Variants in PCSK5 observed in about 807,000 individuals in gnomAD.
PCSK5 encodes the protein proprotein convertase subtilisin/kexin type 5.
PCSK5 carries 129 observed loss-of-function variants against 233.2 expected under a neutral mutation model. The observed-to-expected ratio is 0.55, with a 90% CI of 0.48 to 0.64. The LOEUF (loss-of-function observed/expected upper bound fraction) is 0.64, where lower values mean the gene tolerates loss of function less well. Among genes scored for constraint, PCSK5 ranks in the 30% least tolerant of loss-of-function variants. The pLI is 0.00. For missense variants in PCSK5, 2,076 were observed against 2,430.1 expected, an observed-to-expected ratio of 0.85 and a Z score of 3.06; for synonymous variants, 825 against 879.2, an observed-to-expected ratio of 0.94 and a Z score of 1.09.
intron 5 of PCSK5, among the ~76,000 whole-genome samples, chr9:76,046,156 T>TTTTG (rs1236109476): frequency 3.5e-5 from 4 of 114,512 alleles, no homozygotes; most frequent in African/African-American, 9.7e-5. Flanking sequence ...TAATTTTTTC[T>TTTTG]TTTGTTTTTT....
rs114357675 is a variant in PCSK5 at position 76,095,726 on chromosome 9, A to G, written c.895-164A>G. Among the ~76,000 whole-genome samples the G allele has an allele frequency of 8.4e-3, 1,274 of 152,300 alleles. 10 individuals are homozygous for G. The highest frequency in any genetic ancestry group is 0.029 in the African/African-American group (1,221 of 41,556). On this transcript the variant is annotated intron_variant, in intron 7 of 37. Coordinates refer to ENST00000674117, the MANE Select transcript of PCSK5 (RefSeq NM_001372043.1). Reference sequence around the variant, plus strand: ...GTAACTTTTCTGACCGTTTTAGTCTATAAAACCAACGCCTCTTACTCCACT... The same window carrying G: ...GTAACTTTTCTGACCGTTTTAGTCTGTAAAACCAACGCCTCTTACTCCACT...
At chr9:75,961,616 C>G (rs919727278) in intron 2 of PCSK5, among the ~76,000 whole-genome samples, 1 of 152,132 alleles carries the variant, frequency 6.6e-6, no homozygotes, top group South Asian at 2.1e-4. Context: ...GTATATGAAC[C>G]TATTTCAACT....
Position 76,351,523 on chromosome 9 carries a change from A to AG in PCSK5, c.5067+596dup, listed in dbSNP as rs1554724827. On this transcript the variant is annotated intron_variant, in intron 36 of 37. Transcript: ENST00000674117. ...AAGAAAGAAAGAAAGAAAGAAAGAA[A>AG]GAAAGAAAGGAAGGAAAGAAAGAGA... Among the ~76,000 whole-genome samples, 392 of 74,432 alleles carry AG rather than the reference A, an allele frequency of 5.3e-3. 70 individuals carry two copies. Among genetic ancestry groups the AG allele is most frequent in the African/African-American group, 0.014 (352 of 25,356 alleles). The allele number at this position is 74,432 out of a possible 152,430, so 48.8% of individuals were successfully genotyped here. A position where few individuals can be genotyped will look rare whatever the true frequency, so the allele number is the denominator to read the frequency against.
chr9:76,262,313 C>T (rs1827202480), intron 24 of PCSK5, among the ~76,000 whole-genome samples: 1 of 152,102 alleles, frequency 6.6e-6, no homozygotes, highest in Non-Finnish European at 1.5e-5. Flanking sequence ...GAGCATGCAT[C>T]ACCAAGTCAA....
intron 6 of PCSK5, 21 bp from the exon 7 acceptor site, chr9:76,071,705 G>T: frequency 6.2e-7 from 1 of 1,601,480 alleles, no homozygotes; most frequent in South Asian, 1.1e-5. Context: ...TAATGAGCTA[G>T]TTCTCCTTTC....
intron 3 of PCSK5, among the ~76,000 whole-genome samples, chr9:75,997,962 T>G (rs1827093437): frequency 6.6e-6 from 1 of 152,174 alleles, no homozygotes. Context: ...AAAAGCCTAC[T>G]GGTATAGAAG....
At chr9:76,191,947 CACGTACCTG>C (rs11277346) in intron 20 of PCSK5, among the ~76,000 whole-genome samples, 76,712 of 151,168 alleles carry the variant, frequency 0.51, 20,187 homozygotes, top group African/African-American at 0.65. Flanking sequence ...GGCATGGTAG[CACGTACCTG>C]TAATCCCAGC....
intron 36 of PCSK5, among the ~76,000 whole-genome samples, chr9:76,353,020 C>CA (rs11450483): frequency 0.39 from 57,136 of 147,706 alleles, 10,887 homozygotes; most frequent in Middle Eastern, 0.54. Context: ...AAGCCCGTCT[C>CA]AAAAAAAAAA....
At chr9:75,995,744 T>TATACACACACACACACAC in intron 3 of PCSK5, among the ~76,000 whole-genome samples, 1 of 146,052 alleles carries the variant, frequency 6.8e-6, no homozygotes, top group East Asian at 2.0e-4. Flanking sequence ...GATTCATTCA[T>TATACACACACACACACAC]ACACACACAC....
rs187454896 is a variant in PCSK5 at position 75,898,754 on chromosome 9, A to T, written c.192+7381A>T. 7.9e-5 allele frequency among the ~76,000 whole-genome samples: 12 copies of T among 152,154 alleles called. No homozygotes were observed. In the East Asian group the frequency reaches 2.3e-3, roughly 29 times the overall value. Reference sequence around the variant, plus strand: ...CAACCTTATTATTTTGGATAAGTTTATATTGAAGTTTATATTGAGGATCTC... The same window carrying T: ...CAACCTTATTATTTTGGATAAGTTTTTATTGAAGTTTATATTGAGGATCTC... On this transcript the variant is annotated intron_variant, in intron 1 of 37. Coordinates refer to ENST00000674117, the MANE Select transcript of PCSK5 (RefSeq NM_001372043.1).
chr9:76,052,900 A>G (rs777150448), intron 5 of PCSK5, among the ~76,000 whole-genome samples: 3 of 152,208 alleles, frequency 2.0e-5, no homozygotes, highest in African/African-American at 7.2e-5. Flanking sequence ...AAATTGGCCA[A>G]ACTGAAGGGG....
chr9:76,055,110 G>C (rs1439150103), intron 5 of PCSK5, among the ~76,000 whole-genome samples: 2 of 152,046 alleles, frequency 1.3e-5, no homozygotes, highest in Non-Finnish European at 2.9e-5. Flanking sequence ...TGAGGATTCA[G>C]AATCTCTATT....
At chr9:76,043,120 G>A (rs1252743183) in intron 5 of PCSK5, among the ~76,000 whole-genome samples, 1 of 152,122 alleles carries the variant, frequency 6.6e-6, no homozygotes, top group African/African-American at 2.4e-5. Flanking sequence ...GCCGAGGCGG[G>A]CGGATCACAG....
At chr9:76,261,796 G>T (rs538380778) in intron 24 of PCSK5, among the ~76,000 whole-genome samples, 2 of 152,090 alleles carry the variant, frequency 1.3e-5, no homozygotes, top group Admixed American at 1.3e-4. Flanking sequence ...CTCATGATTT[G>T]GCTCTCTGTT....
rs564286029 is a variant in PCSK5 at position 76,026,388 on chromosome 9, A to G, written c.556-573A>G. ...TATGGACTCCTTTATAGTAGATACA[A>G]TACCTGGAACCAGACGAGGGTTGTC... is the stretch of plus-strand genomic sequence containing the variant. On this transcript the variant is annotated intron_variant, in intron 4 of 37. Transcript: ENST00000674117. Among the ~76,000 whole-genome samples the G allele has an allele frequency of 2.1e-4, 32 of 152,328 alleles. No homozygotes were observed. The South Asian group carries it at 6.2e-3, about 30-fold the overall frequency.
intron 7 of PCSK5, among the ~76,000 whole-genome samples, chr9:76,081,712 AAAT>A (rs1830845073): frequency 6.6e-6 from 1 of 152,268 alleles, no homozygotes; most frequent in South Asian, 2.1e-4. Flanking sequence ...TTGGAACTAG[AAAT>A]AATATTAGTG....
intron 24 of PCSK5, among the ~76,000 whole-genome samples, chr9:76,272,131 G>A (rs960999881): frequency 3.9e-5 from 6 of 152,112 alleles, no homozygotes; most frequent in African/African-American, 1.2e-4. Context: ...GAGTGTGTAC[G>A]TAGAGTACAC....
intron 10 of PCSK5, among the ~76,000 whole-genome samples, chr9:76,156,229 CA>C (rs35885716): frequency 0.42 from 63,039 of 151,888 alleles, 13,707 homozygotes; most frequent in Non-Finnish European, 0.47. Flanking sequence ...GAAAGATCTG[CA>C]CATGTATATA....
In PCSK5 at chr9:76,239,501, C is replaced by G. The variant is rs114700495; in HGVS notation, c.3073+336C>G. ...CTTGAGGCCAGGAGTTCGAGACCAGCCTGGGGGAACACGGTGAAACTCTGT... is the reference window on the plus strand; with the variant it reads ...CTTGAGGCCAGGAGTTCGAGACCAGGCTGGGGGAACACGGTGAAACTCTGT... On this transcript the variant is annotated intron_variant, in intron 23 of 37. Transcript: ENST00000674117. Among the ~76,000 whole-genome samples the G allele has an allele frequency of 7.3e-3, 1,116 of 151,932 alleles. 11 individuals carry two copies. Among genetic ancestry groups the G allele is most frequent in the African/African-American group, 0.026 (1,068 of 41,452 alleles).
Sources: gnomAD v4.1 joint callset for allele counts (sites outside exome capture counted in the v4.1 genomes callset) on GRCh38, gnomAD v4.1.1 for gene constraint, MANE v1.5 for transcripts, NCBI Gene and HGNC (gene_info 2026-07-23, HGNC 2026-07-21) for gene names.